Variants in ZBED6 observed in about 807,000 individuals in gnomAD.
ZBED6 encodes zinc finger BED-type containing 6.
ZBED6 carries 40 observed loss-of-function variants against 58.4 expected under a neutral mutation model. The observed-to-expected ratio is 0.68, with a 90% CI of 0.53 to 0.89. The LOEUF (loss-of-function observed/expected upper bound fraction) is 0.89. ZBED6 is among the 40% of genes least tolerant of loss of function. The pLI is 0.00. For synonymous variants in ZBED6, 439 were observed against 350.6 expected (o/e 1.25, Z -2.82); for missense variants, 1,057 against 1,003.9 (o/e 1.05, Z -0.71).
rs560171655 is a variant in ZBED6 at position 203,838,407 on chromosome 1, A to T, written c.*3672+343A>T. On this transcript the variant is annotated intron_variant, in intron 10 of 16. Transcript: ENST00000550078. The stretch of plus-strand genomic sequence containing the variant: ...TCTGTTAGGGGAAGGTTCACAGAAG[A>T]AGTTATGTTAAAGTTTAGACCTAAG... 3.9e-5 allele frequency among the ~76,000 whole-genome samples: 6 copies of T among 152,356 alleles called. No homozygotes were observed. In the East Asian group the frequency reaches 1.2e-3, roughly 29 times the overall value.
intron 1 of ZBED6, among the ~76,000 whole-genome samples, chr1:203,806,502 C>T (rs1225781412): frequency 6.6e-6 from 1 of 152,112 alleles, no homozygotes; most frequent in Non-Finnish European, 1.5e-5. Flanking sequence ...TAGGTTTCAC[C>T]ATGTTGGCCA....
Position 203,850,799 on chromosome 1 carries a change from T to C in ZBED6, c.*4805+118T>C, listed in dbSNP as rs1689073826. 3.5e-6 allele frequency: 5 copies of C among 1,409,750 alleles called. No homozygotes were observed. In the East Asian group the frequency reaches 1.0e-4, roughly 28 times the overall value. 87.3% of individuals were successfully genotyped at this position (1,409,750 alleles called of 1,614,324 possible). A position where few individuals can be genotyped will look rare whatever the true frequency, so the allele number is the denominator to read the frequency against. On this transcript the variant is annotated intron_variant, in intron 15 of 16. Coordinates refer to ENST00000550078, the Ensembl canonical transcript of ZBED6. Reference sequence around the variant, plus strand: ...CACTTCCTGGCATTTCCTAGCATTTTAGTAATTTGGGTTACTACTGTATTT... The same window carrying C: ...CACTTCCTGGCATTTCCTAGCATTTCAGTAATTTGGGTTACTACTGTATTT...
chr1:203,850,992 A>C, intron 15 of ZBED6, 65 bp from the exon 16 acceptor site: 5 of 1,565,482 alleles, frequency 3.2e-6, no homozygotes, highest in Non-Finnish European at 4.4e-6. Context: ...GCAGCAAAAG[A>C]AAATGAATAT....
chr1:203,798,722 ATGT>A (rs745833264), exon 1 of ZBED6: 28 of 1,536,004 alleles, frequency 1.8e-5, no homozygotes, highest in Admixed American at 3.9e-5. Context: ...GAGAAACAAC[ATGT>A]TGTGGAAATC....
At chr1:203,850,138 A>G (rs1387033356) in intron 14 of ZBED6, 112 bp downstream of exon 14, 2 of 875,380 alleles carry the variant, frequency 2.3e-6, no homozygotes, top group Non-Finnish European at 3.6e-6. Flanking sequence ...TTTGCCTTCT[A>G]TCCACAGGTA....
intron 15 of ZBED6, 149 bp downstream of exon 15, chr1:203,850,830 T>C (rs1689077786): frequency 1.6e-6 from 2 of 1,249,490 alleles, no homozygotes; most frequent in African/African-American, 3.0e-5. Flanking sequence ...TATTTTATAC[T>C]TACAGTTTGA....
Position 203,842,197 on chromosome 1 carries a change from T to C in ZBED6, c.*3741+1823T>C, listed in dbSNP as rs1331987346. ...GACGCTCCTCACTTCCCAGACGGGGTGGCGGCCGGGCAGAGGCTGCAATCT... is the reference window on the plus strand; with the variant it reads ...GACGCTCCTCACTTCCCAGACGGGGCGGCGGCCGGGCAGAGGCTGCAATCT... On this transcript the variant is annotated intron_variant, in intron 11 of 16. Transcript: ENST00000550078. Among the ~76,000 whole-genome samples, 4 of 149,494 alleles carry C rather than the reference T, an allele frequency of 2.7e-5. No individual in the cohort carries two copies. In the East Asian group the frequency reaches 8.1e-4, roughly 30 times the overall value.
At chr1:203,850,770 A>G in intron 15 of ZBED6, 89 bp downstream of exon 15, 1 of 1,502,728 alleles carries the variant, frequency 6.7e-7, no homozygotes, top group Non-Finnish European at 9.0e-7. Flanking sequence ...TATCTTGAGT[A>G]TATCACTTCC....
At chr1:203,804,412 A>G (rs2102480807) in intron 1 of ZBED6, among the ~76,000 whole-genome samples, 1 of 151,806 alleles carries the variant, frequency 6.6e-6, no homozygotes, top group African/African-American at 2.4e-5. Context: ...TCGGCCTCCC[A>G]AAGTGCTAGG....
chr1:203,833,052 G>C (rs1453930309), intron 8 of ZBED6, among the ~76,000 whole-genome samples: 1 of 151,592 alleles, frequency 6.6e-6, no homozygotes, highest in Non-Finnish European at 1.5e-5. Context: ...TGGCCAACAT[G>C]GTGAAACCCT....
chr1:203,804,503 CTG>C (rs1031708510), intron 1 of ZBED6, among the ~76,000 whole-genome samples: 2 of 151,978 alleles, frequency 1.3e-5, no homozygotes, highest in African/African-American at 4.8e-5. Flanking sequence ...TATCTTTTTA[CTG>C]TGAGTGGTAC....
intron 11 of ZBED6, among the ~76,000 whole-genome samples, chr1:203,845,295 C>T (rs1687584224): frequency 6.6e-6 from 1 of 151,992 alleles, no homozygotes; most frequent in Non-Finnish European, 1.5e-5. Context: ...GAAACAGGGC[C>T]TCTATGTCAC....
intron 14 of ZBED6, 73 bp downstream of exon 14, chr1:203,850,099 C>A: frequency 7.3e-7 from 1 of 1,370,302 alleles, no homozygotes; most frequent in South Asian, 1.3e-5. Flanking sequence ...TTGCCAGTAA[C>A]TTCCTGGCAA....
intron 1 of ZBED6, among the ~76,000 whole-genome samples, chr1:203,811,310 C>G (rs963279442): frequency 6.6e-6 from 1 of 152,080 alleles, no homozygotes; most frequent in African/African-American, 2.4e-5. Context: ...CTCGAAACTC[C>G]GTCTCCAGAT....
exon 1 of ZBED6, chr1:203,797,649 G>A (rs1246902168): frequency 4.6e-6 from 7 of 1,535,928 alleles, no homozygotes; most frequent in Non-Finnish European, 6.1e-6. Context: ...AGAAGATGTG[G>A]TAGAGGAAAA....
At chr1:203,797,607 G>A in exon 1 of ZBED6, 1 of 1,535,420 alleles carries the variant, frequency 6.5e-7, no homozygotes. Context: ...TGGGATTCTG[G>A]GATGTGTTCC....
chr1:203,829,739 G>A (rs147876400), intron 5 of ZBED6, 41 bp from the exon 6 acceptor site: 46 of 1,611,208 alleles, frequency 2.9e-5, no homozygotes, highest in Admixed American at 6.7e-5. Context: ...AGCTATAGGC[G>A]TATTTTTAAT....
chr1:203,803,934 A>G (rs979721759), intron 1 of ZBED6, among the ~76,000 whole-genome samples: 2 of 152,170 alleles, frequency 1.3e-5, no homozygotes, highest in Non-Finnish European at 2.9e-5. Context: ...ATGATTCTAG[A>G]TGATTTTATA....
exon 17 of ZBED6, chr1:203,852,142 C>G: frequency 1.2e-6 from 2 of 1,613,260 alleles, no homozygotes; most frequent in Non-Finnish European, 1.7e-6. Context: ...TTCTTACAGT[C>G]TTGTGCTGCC....
Sources: gnomAD v4.1 joint callset for allele counts (sites outside exome capture counted in the v4.1 genomes callset) on GRCh38, gnomAD v4.1.1 for gene constraint, MANE v1.5 for transcripts, NCBI Gene and HGNC (gene_info 2026-07-23, HGNC 2026-07-21) for gene names.